The following CTNNA3 variants were observed in gnomAD, a reference collection of about 807,000 sequenced individuals.
CTNNA3 encodes catenin alpha-3.
In CTNNA3, 76 loss-of-function variants were observed where a neutral mutation model predicts 95.7. The observed-to-expected ratio is 0.79, with a 90% confidence interval of 0.66 to 0.96. The LOEUF (loss-of-function observed/expected upper bound fraction) is 0.96, where lower values mean the gene tolerates loss of function less well. Ranked by LOEUF, CTNNA3 falls within the 40% of genes least tolerant of loss-of-function variation. The probability of loss-of-function intolerance (pLI) is 0.00; values close to 1 mark genes in which losing one functional copy is unlikely to be tolerated. For missense variants in CTNNA3, 1,191 were observed against 1,089.8 expected (o/e 1.09, Z -1.31); for synonymous variants, 431 against 374.4 (o/e 1.15, Z -1.74).
chr10:66,243,502 G>A (rs1385465422), intron 13 of CTNNA3, among the ~76,000 whole-genome samples: 2 of 152,030 alleles, frequency 1.3e-5, no homozygotes, highest in Non-Finnish European at 2.9e-5. Context: ...TTGATTCTAG[G>A]TCTTTAGATA....
chr10:66,419,470 AC>A (rs1463842046), intron 11 of CTNNA3, among the ~76,000 whole-genome samples: 17 of 152,112 alleles, frequency 1.1e-4, no homozygotes, highest in African/African-American at 4.1e-4. Flanking sequence ...TACTCCATAA[AC>A]AACCTAAAGA....
At chr10:66,070,018 T>C (rs2080402061) in intron 14 of CTNNA3, among the ~76,000 whole-genome samples, 1 of 152,180 alleles carries the variant, frequency 6.6e-6, no homozygotes, top group African/African-American at 2.4e-5. Context: ...GCATAATGCT[T>C]GACACATATT....
intron 15 of CTNNA3, among the ~76,000 whole-genome samples, chr10:66,013,688 T>C (rs1036043191): frequency 3.3e-5 from 5 of 152,210 alleles, no homozygotes; most frequent in African/African-American, 1.2e-4. Flanking sequence ...ACAAGTATGA[T>C]AAAGGTTGTA....
intron 7 of CTNNA3, among the ~76,000 whole-genome samples, chr10:66,843,179 G>T (rs752389885): frequency 2.0e-5 from 3 of 152,136 alleles, no homozygotes; most frequent in Non-Finnish European, 4.4e-5. Context: ...TTGAAAGAGG[G>T]TCCAAAACCT....
chr10:67,602,517 T>C (rs764804333), intron 3 of CTNNA3, among the ~76,000 whole-genome samples: 2 of 152,226 alleles, frequency 1.3e-5, no homozygotes, highest in African/African-American at 2.4e-5. Flanking sequence ...AATGAATCTG[T>C]TGTGTATACA....
intron 3 of CTNNA3, among the ~76,000 whole-genome samples, chr10:67,560,620 C>G (rs1841472485): frequency 6.6e-6 from 1 of 152,146 alleles, no homozygotes; most frequent in Non-Finnish European, 1.5e-5. Flanking sequence ...ATGACAGGAT[C>G]AAATTCACAC....
intron 7 of CTNNA3, among the ~76,000 whole-genome samples, chr10:67,063,885 C>T (rs918578606): frequency 2.0e-5 from 3 of 152,154 alleles, no homozygotes; most frequent in African/African-American, 7.2e-5. Flanking sequence ...ATACTCTGGC[C>T]TCCTCTAGAA....
intron 9 of CTNNA3, among the ~76,000 whole-genome samples, chr10:66,648,376 T>A (rs1394180025): frequency 6.6e-6 from 1 of 151,896 alleles, no homozygotes; most frequent in Non-Finnish European, 1.5e-5. Context: ...TAAACAAACA[T>A]CAAAAAGAAA....
At chr10:67,012,184 T>C (rs1470748584) in intron 7 of CTNNA3, 3 of 152,256 alleles carry the variant, frequency 2.0e-5, no homozygotes, top group Non-Finnish European at 4.4e-5. Flanking sequence ...CAGTGTGTGA[T>C]GCACTTCCTA....
chr10:67,526,628 A>G (rs568591495), intron 4 of CTNNA3, among the ~76,000 whole-genome samples: 1 of 152,332 alleles, frequency 6.6e-6, no homozygotes, highest in South Asian at 2.1e-4. Flanking sequence ...AGGAAAAATA[A>G]AAGACATTCA....
chr10:67,372,758 T>G (rs1470075077), intron 5 of CTNNA3, among the ~76,000 whole-genome samples: 4 of 152,232 alleles, frequency 2.6e-5, no homozygotes, highest in South Asian at 2.1e-4. Context: ...GGGAAGCCCA[T>G]CAGACTAACA....
chr10:66,988,387 C>A (rs150844182), intron 7 of CTNNA3, among the ~76,000 whole-genome samples: 1,594 of 152,208 alleles, frequency 0.01, 31 homozygotes, highest in African/African-American at 0.036. Flanking sequence ...TAAGCCAATA[C>A]AATGATTTTC....
intron 11 of CTNNA3, among the ~76,000 whole-genome samples, chr10:66,471,839 T>C (rs1375562099): frequency 6.6e-6 from 1 of 151,940 alleles, no homozygotes; most frequent in Admixed American, 6.6e-5. Context: ...ATACTCAAGA[T>C]TGCTTTCTAC....
intron 7 of CTNNA3, among the ~76,000 whole-genome samples, chr10:66,887,199 C>T (rs534299548): frequency 3.3e-5 from 5 of 152,224 alleles, no homozygotes; most frequent in Non-Finnish European, 7.4e-5. Flanking sequence ...ACTCTCCATG[C>T]AAACAGATAA....
rs562106332 is a variant in CTNNA3, at chr10:66,168,366, TA to T, written c.1885-65118del. 7.1e-4 allele frequency among the ~76,000 whole-genome samples: 81 copies of T among 114,436 alleles called. 1 individual carries two copies. Among genetic ancestry groups the T allele is most frequent in the African/African-American group, 1.8e-3 (56 of 30,582 alleles). 75.1% of individuals were successfully genotyped at this position (114,436 alleles called of 152,430 possible). A position where few individuals can be genotyped will look rare whatever the true frequency, so the allele number is the denominator to read the frequency against. On this transcript the variant is annotated intron_variant, in intron 13 of 17. Transcript: ENST00000433211. ...AAGGTATCCATTTATTATTTTTTTTTAAAAAAATACACATAGTCTGGCCTTT... is the reference window on the plus strand; with the variant it reads ...AAGGTATCCATTTATTATTTTTTTTTAAAAAATACACATAGTCTGGCCTTT...
chr10:66,960,073 AT>A (rs942779611), intron 7 of CTNNA3, among the ~76,000 whole-genome samples: 8 of 151,652 alleles, frequency 5.3e-5, no homozygotes, highest in African/African-American at 9.7e-5. Context: ...GCTATTTGAA[AT>A]TTTTTTTTCT....
At chr10:66,333,089 T>C (rs1467016451) in intron 12 of CTNNA3, among the ~76,000 whole-genome samples, 3 of 152,096 alleles carry the variant, frequency 2.0e-5, no homozygotes, top group African/African-American at 7.2e-5. Context: ...TTTATCATTT[T>C]TTATTGAATC....
chr10:67,384,471 G>C (rs1844068000), intron 5 of CTNNA3, among the ~76,000 whole-genome samples: 1 of 152,032 alleles, frequency 6.6e-6, no homozygotes, highest in Non-Finnish European at 1.5e-5. Context: ...GGTTTTTCTT[G>C]TTCCAGGAAT....
intron 5 of CTNNA3, among the ~76,000 whole-genome samples, chr10:67,233,325 T>A (rs1377923162): frequency 6.6e-6 from 1 of 151,070 alleles, no homozygotes; most frequent in Non-Finnish European, 1.5e-5. Context: ...CAGACCACAG[T>A]GCAAGCAAAC....
Sources: gnomAD v4.1 joint callset for allele counts (sites outside exome capture counted in the v4.1 genomes callset) on GRCh38, gnomAD v4.1.1 for gene constraint, MANE v1.5 for transcripts, NCBI Gene and HGNC (gene_info 2026-07-23, HGNC 2026-07-21) for gene names.